The following SLIT3 variants were observed in gnomAD, a reference collection of about 807,000 sequenced individuals.
The protein encoded by SLIT3 is slit homolog 3 protein.
SLIT3 carries 68 observed loss-of-function variants against 184.0 expected under a neutral mutation model. That is an observed-to-expected ratio of 0.37 (90% CI 0.30 to 0.45). The LOEUF (loss-of-function observed/expected upper bound fraction) is 0.45, where lower values mean the gene tolerates loss of function less well. SLIT3 is among the 20% of genes least tolerant of loss of function. The pLI, the probability that SLIT3 is intolerant of heterozygous loss-of-function variation, is 1.00. For missense variants in SLIT3, 1,707 were observed against 2,026.0 expected, an observed-to-expected ratio of 0.84 and a Z score of 3.02; for synonymous variants, 831 against 828.6, an observed-to-expected ratio of 1.00 and a Z score of -0.05.
chr5:168,967,480 C>T (rs1218928685), intron 4 of SLIT3, among the ~76,000 whole-genome samples: 1 of 16,996 alleles, frequency 5.9e-5, no homozygotes, highest in African/African-American at 2.1e-4. Flanking sequence ...CGCTCTGTCG[C>T]CCAGGCTGGA....
At chr5:169,095,568 G>A (rs751510375) in intron 4 of SLIT3, among the ~76,000 whole-genome samples, 2 of 152,216 alleles carry the variant, frequency 1.3e-5, no homozygotes, top group Non-Finnish European at 2.9e-5. Context: ...TTTTGTGTAA[G>A]TATCCATGGA....
At chr5:169,172,710 G>A (rs566422747) in intron 4 of SLIT3, among the ~76,000 whole-genome samples, 158 of 152,234 alleles carry the variant, frequency 1.0e-3, no homozygotes, top group African/African-American at 3.7e-3. Context: ...TGCTCTTACA[G>A]CACAACTTCC....
intron 14 of SLIT3, among the ~76,000 whole-genome samples, chr5:168,771,084 C>T (rs1350757364): frequency 6.6e-6 from 1 of 152,164 alleles, no homozygotes; most frequent in Non-Finnish European, 1.5e-5. Context: ...TAATACCCTG[C>T]CCTCCTCTGG....
At position 168,938,451 on chromosome 5, in the gene SLIT3, T is replaced by C. The variant is rs902827205; in HGVS notation, c.414-55115A>G. ...TGCCTGGTACTGAGAAAGTGACAGA[T>C]GGATCCTTGCCTGATTGTACTGTTG... On this transcript the variant is annotated intron_variant, in intron 4 of 35. Transcript: ENST00000519560. 7.2e-5 allele frequency among the ~76,000 whole-genome samples: 11 copies of C among 152,212 alleles called. 1 individual carries two copies. The highest frequency in any genetic ancestry group is 1.6e-4 in the Non-Finnish European group (11 of 68,032).
At chr5:169,023,586 T>C (rs1055845628) in intron 4 of SLIT3, 1 of 151,136 alleles carries the variant, frequency 6.6e-6, no homozygotes, top group African/African-American at 2.4e-5. Context: ...TCATTCCTCT[T>C]GTATTTCTAC....
intron 4 of SLIT3, among the ~76,000 whole-genome samples, chr5:168,901,689 GC>G (rs1760880245): frequency 6.6e-6 from 1 of 152,124 alleles, no homozygotes; most frequent in Non-Finnish European, 1.5e-5. Flanking sequence ...AAGTCATATA[GC>G]CTAAAGCAAG....
intron 3 of SLIT3, among the ~76,000 whole-genome samples, chr5:169,222,626 T>C (rs1470304523): frequency 6.6e-6 from 1 of 152,206 alleles, no homozygotes; most frequent in East Asian, 1.9e-4. Flanking sequence ...TTGGTTCAAG[T>C]AGAAGGGTCT....
In SLIT3 at chr5:168,820,565, G is replaced by A. The variant is rs1053087354; in HGVS notation, c.629+2695C>T. Among the ~76,000 whole-genome samples the A allele has an allele frequency of 2.6e-5, 4 of 152,276 alleles. No homozygotes were observed. In the East Asian group the frequency reaches 7.7e-4, roughly 29 times the overall value. On this transcript the variant is annotated intron_variant, in intron 7 of 35. Transcript: ENST00000519560. The stretch of plus-strand genomic sequence containing the variant: ...TCACTGTTAATTACGACTGACAGGA[G>A]ACTAGCTCCAGACTTCACTCTCTTC...
At chr5:168,799,126 T>TGCAGGTTCACATGCAGTCTCTGTGCA (rs1756676694) in intron 9 of SLIT3, among the ~76,000 whole-genome samples, 2 of 152,314 alleles carry the variant, frequency 1.3e-5, no homozygotes, top group East Asian at 3.9e-4. Context: ...CACACATGTG[T>TGCAGGTTCACATGCAGTCTCTGTGCA]GCAGGTTCAC....
chr5:168,869,372 C>A (rs986396461), intron 5 of SLIT3, among the ~76,000 whole-genome samples: 1 of 152,100 alleles, frequency 6.6e-6, no homozygotes, highest in Non-Finnish European at 1.5e-5. Context: ...TGTATGCCTC[C>A]GTTTTATCAT....
chr5:168,871,239 A>T (rs983722283), intron 5 of SLIT3, among the ~76,000 whole-genome samples: 1 of 152,142 alleles, frequency 6.6e-6, no homozygotes, highest in Non-Finnish European at 1.5e-5. Context: ...ATTACATTGG[A>T]TCCCCTCAAA....
intron 4 of SLIT3, among the ~76,000 whole-genome samples, chr5:169,183,468 G>A (rs1763236243): frequency 6.6e-6 from 1 of 152,124 alleles, no homozygotes; most frequent in South Asian, 2.1e-4. Flanking sequence ...TTCTTGCAGT[G>A]AGGGATTCAG....
At chr5:168,868,092 A>G (rs1425200791) in intron 5 of SLIT3, among the ~76,000 whole-genome samples, 2 of 152,216 alleles carry the variant, frequency 1.3e-5, no homozygotes, top group Non-Finnish European at 2.9e-5. Flanking sequence ...GAAAATCCCA[A>G]GACTACCAAA....
chr5:169,181,740 C>A (rs1278914548), intron 4 of SLIT3, among the ~76,000 whole-genome samples: 75 of 141,480 alleles, frequency 5.3e-4, no homozygotes, highest in Admixed American at 5.6e-4. Flanking sequence ...GACTTCATCT[C>A]AAAAAAAAAA....
At chr5:169,234,549 G>A (rs775392816) in intron 3 of SLIT3, among the ~76,000 whole-genome samples, 14 of 152,236 alleles carry the variant, frequency 9.2e-5, no homozygotes, top group East Asian at 1.9e-4. Flanking sequence ...GACTACAGGC[G>A]TGTGCCATCA....
At chr5:169,073,252 A>C (rs1454803551) in intron 4 of SLIT3, among the ~76,000 whole-genome samples, 2 of 152,176 alleles carry the variant, frequency 1.3e-5, no homozygotes, top group Non-Finnish European at 2.9e-5. Context: ...TTAGCACATT[A>C]AAAGAGTAAG....
intron 1 of SLIT3, among the ~76,000 whole-genome samples, chr5:169,298,512 G>A (rs190727525): frequency 4.6e-5 from 7 of 152,234 alleles, no homozygotes; most frequent in Admixed American, 2.0e-4. Context: ...TTGAAGATGC[G>A]GAAGATGTAG....
At chr5:169,098,529 A>G (rs981026363) in intron 4 of SLIT3, among the ~76,000 whole-genome samples, 1 of 152,346 alleles carries the variant, frequency 6.6e-6, no homozygotes, top group East Asian at 1.9e-4. Context: ...TATTCCACAC[A>G]TTGCATGACG....
chr5:169,004,596 C>T (rs916411962), intron 4 of SLIT3, among the ~76,000 whole-genome samples: 9 of 152,216 alleles, frequency 5.9e-5, no homozygotes, highest in South Asian at 2.1e-4. Context: ...TCCCTAGCTA[C>T]GTAGCTTTGG....
Sources: allele counts gnomAD v4.1 joint callset (sites outside exome capture counted in the v4.1 genomes callset), GRCh38; gene constraint gnomAD v4.1.1; transcripts MANE v1.5; gene names NCBI Gene and HGNC (gene_info 2026-07-23, HGNC 2026-07-21).